CD226: variants seen among roughly 807,000 people sequenced by gnomAD.
CD226 encodes the protein CD226 molecule.
A neutral mutation model predicts 34.9 loss-of-function variants in CD226; 24 were observed. The ratio of observed to expected loss-of-function variants is 0.69; its 90% confidence interval spans 0.50 to 0.97. CD226 has a LOEUF of 0.97. Among genes scored for constraint, CD226 ranks in the 50% least tolerant of loss-of-function variants. The pLI is 0.00. For missense variants in CD226, 397 were observed against 412.7 expected (o/e 0.96, Z 0.33); for synonymous variants, 148 against 147.4 (o/e 1.00, Z -0.03).
chr18:69,937,067 A>G (rs140068874), intron 2 of CD226, among the ~76,000 whole-genome samples: 3 of 152,354 alleles, frequency 2.0e-5, no homozygotes, highest in African/African-American at 7.2e-5. Context: ...CAAAAGCCGA[A>G]ATGAAAGTGT....
intron 2 of CD226, among the ~76,000 whole-genome samples, chr18:69,944,794 A>T (rs2145363585): frequency 6.6e-6 from 1 of 152,370 alleles, no homozygotes; most frequent in East Asian, 1.9e-4. Context: ...AGGTGTCTAC[A>T]TACAACAGCA....
chr18:69,885,102 T>C (rs10513983), intron 3 of CD226, among the ~76,000 whole-genome samples: 103,056 of 152,108 alleles, frequency 0.68, 37,239 homozygotes, highest in Non-Finnish European at 0.81. Flanking sequence ...AGTGCTACCA[T>C]TATGCTTATC....
intron 3 of CD226, among the ~76,000 whole-genome samples, chr18:69,877,154 G>A (rs1005545520): frequency 2.0e-5 from 3 of 152,108 alleles, no homozygotes; most frequent in South Asian, 2.1e-4. Context: ...GTGAGCCACC[G>A]TGCCCAGTCC....
At chr18:69,934,717 T>A (rs1201933168) in intron 2 of CD226, among the ~76,000 whole-genome samples, 3 of 152,066 alleles carry the variant, frequency 2.0e-5, no homozygotes, top group Non-Finnish European at 4.4e-5. Flanking sequence ...TCAGGAAAAA[T>A]TTTCTCACAT....
chr18:69,907,315 T>A (rs1439225139), intron 2 of CD226, among the ~76,000 whole-genome samples: 2 of 152,160 alleles, frequency 1.3e-5, no homozygotes, highest in African/African-American at 4.8e-5. Context: ...GATTCCTAAA[T>A]GTCTTTTTTG....
chr18:69,917,085 G>A (rs779886132), intron 2 of CD226, among the ~76,000 whole-genome samples: 1 of 152,094 alleles, frequency 6.6e-6, no homozygotes, highest in African/African-American at 2.4e-5. Context: ...TCCCCAGGTG[G>A]TAATGACAAG....
At chr18:69,877,196 C>T (rs1983930325) in intron 3 of CD226, among the ~76,000 whole-genome samples, 1 of 152,156 alleles carries the variant, frequency 6.6e-6, no homozygotes, top group Non-Finnish European at 1.5e-5. Context: ...CAATGGGCCT[C>T]AAGCTGGGGT....
In CD226 at chr18:69,895,447, C is replaced by T. The variant is rs529735789; in HGVS notation, c.727+254G>A. On this transcript the variant is annotated intron_variant, in intron 3 of 5. Transcript: ENST00000582621. ...ATGTTTTTCAGCCCTTTACGAATTT[C>T]TTTTTTAAGCTTCAGGATGGTGGCA... Among the ~76,000 whole-genome samples the T allele has an allele frequency of 2.6e-5, 4 of 152,150 alleles. No homozygotes were observed. The South Asian group carries it at 8.3e-4, about 32-fold the overall frequency.
intron 2 of CD226, among the ~76,000 whole-genome samples, chr18:69,929,605 C>A (rs2055564977): frequency 6.6e-6 from 1 of 152,154 alleles, no homozygotes; most frequent in African/African-American, 2.4e-5. Context: ...TCTGTGCATA[C>A]TCGTACACCC....
intron 3 of CD226, among the ~76,000 whole-genome samples, chr18:69,880,343 A>AG: frequency 5.4e-5 from 4 of 73,448 alleles, no homozygotes; most frequent in African/African-American, 1.2e-4. Flanking sequence ...AAAGAAAGAA[A>AG]GAAAGAAAGA....
chr18:69,934,516 G>C (rs2055628656), intron 2 of CD226, among the ~76,000 whole-genome samples: 1 of 152,102 alleles, frequency 6.6e-6, no homozygotes, highest in Non-Finnish European at 1.5e-5. Context: ...ATTCTGTTTG[G>C]CCACGGTCAC....
chr18:69,909,623 T>A (rs767296336), intron 2 of CD226, among the ~76,000 whole-genome samples: 1 of 152,180 alleles, frequency 6.6e-6, no homozygotes, highest in Non-Finnish European at 1.5e-5. Flanking sequence ...AATCATCACA[T>A]CGATTCAGAA....
At chr18:69,927,287 G>A (rs1016255092) in intron 2 of CD226, among the ~76,000 whole-genome samples, 1 of 151,922 alleles carries the variant, frequency 6.6e-6, no homozygotes, top group Non-Finnish European at 1.5e-5. Context: ...CTAGAACGGT[G>A]AGATATACAA....
In CD226 at chr18:69,862,168, T is replaced by C. The variant is rs1373772805; in HGVS notation, c.*2146A>G. 1 of 152,162 alleles carries C rather than the reference T, an allele frequency of 6.6e-6. No homozygotes were observed. Among genetic ancestry groups the C allele is most frequent in the Non-Finnish European group, 1.5e-5 (1 of 67,996 alleles). The allele number at this position is 152,162 out of a possible 1,614,324, so 9.4% of individuals were successfully genotyped here. ...CCACCATGACAATGGTATCTGACTA[T>C]ACTGTCCCTTCCACACCCAGTCATA... On this transcript the variant is annotated 3_prime_UTR_variant, in exon 6 of 6. Transcript: ENST00000582621.
At position 69,901,106 on chromosome 18, in the gene CD226, T is replaced by C. The variant is rs555121552; in HGVS notation, c.383-5061A>G. On this transcript the variant is annotated intron_variant, in intron 2 of 5. Transcript: ENST00000582621. ...GCAAAGAGCAGAGAAACGTATCAAA[T>C]GCCACCATGGGAAAGCAGCCCACGG... Among the ~76,000 whole-genome samples the C allele has an allele frequency of 9.9e-5, 15 of 152,068 alleles. 2 individuals are homozygous for C. The South Asian group carries it at 3.1e-3, about 32-fold the overall frequency.
intron 3 of CD226, among the ~76,000 whole-genome samples, chr18:69,890,951 AAGC>A (rs565370533): frequency 2.3e-4 from 35 of 151,610 alleles, no homozygotes; most frequent in Middle Eastern, 3.4e-3. Context: ...TTAAAAAAAG[AAGC>A]AGTTCTAAAC....
chr18:69,872,057 GGTGT>G (rs201644137), intron 4 of CD226, among the ~76,000 whole-genome samples: 143 of 143,524 alleles, frequency 1.0e-3, no homozygotes, highest in Middle Eastern at 7.1e-3. Context: ...ATTAACAAGG[GGTGT>G]GTGTGTGTGT....
chr18:69,875,499 C>T (rs1298665528), intron 3 of CD226, among the ~76,000 whole-genome samples: 2 of 152,216 alleles, frequency 1.3e-5, no homozygotes, highest in Non-Finnish European at 2.9e-5. Flanking sequence ...CATTTACATT[C>T]CCGCCAACAG....
intron 2 of CD226, among the ~76,000 whole-genome samples, chr18:69,900,930 T>C (rs531321679): frequency 1.3e-5 from 2 of 152,274 alleles, no homozygotes; most frequent in East Asian, 1.9e-4. Flanking sequence ...CCTAAACGAA[T>C]TGAGAGTTCT....
Sources: gnomAD v4.1 joint callset for allele counts (sites outside exome capture counted in the v4.1 genomes callset) on GRCh38, gnomAD v4.1.1 for gene constraint, MANE v1.5 for transcripts, NCBI Gene and HGNC (gene_info 2026-07-23, HGNC 2026-07-21) for gene names.